RCAN2: variants seen among roughly 807,000 people sequenced by gnomAD.
RCAN2 encodes calcipressin-2.
A neutral mutation model predicts 23.6 loss-of-function variants in RCAN2; 9 were observed. That is an observed-to-expected ratio of 0.38 (90% CI 0.23 to 0.67). RCAN2 has a LOEUF of 0.67. Among genes scored for constraint, RCAN2 ranks in the 30% least tolerant of loss-of-function variants. The pLI is 0.51. For missense variants in RCAN2, 273 were observed against 302.3 expected (o/e 0.90, Z 0.72); for synonymous variants, 109 against 115.7 (o/e 0.94, Z 0.37).
In RCAN2 at chr6:46,456,965, T is replaced by A. The variant is rs191756237; in HGVS notation, c.12A>T (p.Glu4Asp). The A allele has an allele frequency of 6.5e-7, 1 of 1,550,032 alleles. No homozygotes were observed. Among genetic ancestry groups the A allele is most frequent in the East Asian group, 2.4e-5 (1 of 40,902 alleles). Residue 4 changes from glutamate to aspartate, a missense_variant, in exon 2 of 5, where the codon GAA becomes GAT. Glu to Asp is a conservative substitution (Grantham distance 45, BLOSUM62 2). Transcript: ENST00000371374. ...GGCTCCTCATTCCGATGAAGTATGATTCTCCCCTCATTCCTGGGGATACAA... is the reference window on the plus strand; with the variant it reads ...GGCTCCTCATTCCGATGAAGTATGAATCTCCCCTCATTCCTGGGGATACAA... MRGESYFIGMRSPG... is the reference protein window; with the variant it reads MRGDSYFIGMRSPG...
In RCAN2 at chr6:46,337,848, TG is replaced by T. The variant is rs1764191392; in HGVS notation, c.226-88953del. 2.6e-5 allele frequency among the ~76,000 whole-genome samples: 4 copies of T among 152,162 alleles called. No individual in the cohort carries two copies. In the South Asian group the frequency reaches 8.3e-4, roughly 32 times the overall value. On this transcript the variant is annotated intron_variant, in intron 2 of 4. Coordinates refer to ENST00000371374, the MANE Select transcript of RCAN2 (RefSeq NM_001251974.2). ...TATTTTATTCCACAACAGGGACACT[TG>T]GGTCACCTGTTCACCTCTGAACATG...
intron 2 of RCAN2, among the ~76,000 whole-genome samples, chr6:46,336,341 A>T (rs1764143449): frequency 6.6e-6 from 1 of 152,220 alleles, no homozygotes; most frequent in South Asian, 2.1e-4. Context: ...GGCAGGTGCT[A>T]AAGGGTCAAG....
At chr6:46,352,015 C>A (rs998251686) in intron 2 of RCAN2, among the ~76,000 whole-genome samples, 13 of 152,142 alleles carry the variant, frequency 8.5e-5, no homozygotes, top group African/African-American at 3.1e-4. Context: ...AATAATGTAA[C>A]CTGTCTAAGA....
chr6:46,247,446 C>A (rs184029530), intron 3 of RCAN2, among the ~76,000 whole-genome samples: 96 of 152,334 alleles, frequency 6.3e-4, no homozygotes, highest in Middle Eastern at 3.4e-3. Context: ...CTCTTTTCAT[C>A]ACCTTAAAGG....
intron 2 of RCAN2, among the ~76,000 whole-genome samples, chr6:46,284,639 G>A (rs554779751): frequency 1.3e-5 from 2 of 152,262 alleles, no homozygotes; most frequent in Admixed American, 6.5e-5. Flanking sequence ...TTCTGCTGAG[G>A]GGGGAGCCTG....
At chr6:46,308,337 A>C (rs1763132584) in intron 2 of RCAN2, among the ~76,000 whole-genome samples, 4 of 152,182 alleles carry the variant, frequency 2.6e-5, no homozygotes, top group Admixed American at 2.6e-4. Flanking sequence ...TGAACTTTTG[A>C]CATTTAATTA....
At chr6:46,340,466 G>A (rs954687845) in intron 2 of RCAN2, among the ~76,000 whole-genome samples, 11 of 152,154 alleles carry the variant, frequency 7.2e-5, no homozygotes. Context: ...AATGGAGTGG[G>A]AGCAGAAAAC....
intron 2 of RCAN2, among the ~76,000 whole-genome samples, chr6:46,331,881 C>A (rs1342282678): frequency 6.6e-6 from 1 of 152,218 alleles, no homozygotes; most frequent in Non-Finnish European, 1.5e-5. Context: ...CTTTCTTTCA[C>A]ACCAGATATC....
At chr6:46,415,966 T>G (rs1766703986) in intron 2 of RCAN2, among the ~76,000 whole-genome samples, 1 of 152,196 alleles carries the variant, frequency 6.6e-6, no homozygotes, top group Non-Finnish European at 1.5e-5. Flanking sequence ...GTAGATTACT[T>G]ATAATACTTA....
chr6:46,331,039 T>C, intron 2 of RCAN2, among the ~76,000 whole-genome samples: 1 of 152,214 alleles, frequency 6.6e-6, no homozygotes, highest in East Asian at 1.9e-4. Context: ...CGTTCATTTA[T>C]TAGGATTTAC....
chr6:46,229,501 C>G (rs538099259), intron 4 of RCAN2, among the ~76,000 whole-genome samples: 29 of 152,236 alleles, frequency 1.9e-4, no homozygotes, highest in African/African-American at 7.0e-4. Context: ...CTTCTCTTCT[C>G]GCTTCATTTC....
chr6:46,421,376 G>A (rs758158728), intron 2 of RCAN2, among the ~76,000 whole-genome samples: 1 of 152,112 alleles, frequency 6.6e-6, no homozygotes, highest in Non-Finnish European at 1.5e-5. Context: ...GCTGACAGCA[G>A]GACAACAGAG....
intron 2 of RCAN2, among the ~76,000 whole-genome samples, chr6:46,330,730 C>T (rs1422164937): frequency 6.6e-6 from 1 of 152,112 alleles, no homozygotes; most frequent in Non-Finnish European, 1.5e-5. Context: ...TTCTTTTAAT[C>T]TATAGAGTTC....
At position 46,380,157 on chromosome 6, in the gene RCAN2, G is replaced by T. The variant is rs538897271; in HGVS notation, c.225+76595C>A. On this transcript the variant is annotated intron_variant, in intron 2 of 4. Coordinates refer to ENST00000371374, the MANE Select transcript of RCAN2 (RefSeq NM_001251974.2). ...TAGATCTCAGGGTTTTTCAGATTCT[G>T]TAAGGAATTACAGTGTGCCTGTTAT... Among the ~76,000 whole-genome samples, 11 of 152,296 alleles carry T rather than the reference G, an allele frequency of 7.2e-5. No individual in the cohort carries two copies. In the South Asian group the frequency reaches 2.1e-3, roughly 29 times the overall value.
intron 2 of RCAN2, among the ~76,000 whole-genome samples, chr6:46,371,985 T>C (rs1765333272): frequency 6.6e-6 from 1 of 152,232 alleles, no homozygotes; most frequent in African/African-American, 2.4e-5. Context: ...ATAAACATGT[T>C]TTTAAATATG....
chr6:46,343,968 G>A (rs928537014), intron 2 of RCAN2, among the ~76,000 whole-genome samples: 2 of 152,156 alleles, frequency 1.3e-5, no homozygotes, highest in African/African-American at 2.4e-5. Flanking sequence ...TAAATTAAAA[G>A]AAGCAAGGCA....
intron 2 of RCAN2, among the ~76,000 whole-genome samples, chr6:46,343,512 A>G (rs1420690016): frequency 6.6e-6 from 1 of 151,452 alleles, no homozygotes; most frequent in Non-Finnish European, 1.5e-5. Flanking sequence ...AGTAGCTGGG[A>G]CTACAGGTGC....
intron 2 of RCAN2, among the ~76,000 whole-genome samples, chr6:46,308,300 G>A (rs1171995866): frequency 2.0e-5 from 3 of 152,174 alleles, no homozygotes; most frequent in South Asian, 2.1e-4. Flanking sequence ...CTCAATGTAT[G>A]TTAGACATTA....
intron 2 of RCAN2, among the ~76,000 whole-genome samples, chr6:46,310,711 A>T (rs1473034639): frequency 2.6e-5 from 4 of 152,178 alleles, no homozygotes; most frequent in Non-Finnish European, 5.9e-5. Flanking sequence ...TGATATCATC[A>T]AAATTAGTGA....
Sources: allele counts gnomAD v4.1 joint callset (sites outside exome capture counted in the v4.1 genomes callset), GRCh38; gene constraint gnomAD v4.1.1; transcripts MANE v1.5; gene names NCBI Gene and HGNC (gene_info 2026-07-23, HGNC 2026-07-21).